NLGN1: variants seen among roughly 807,000 people sequenced by gnomAD.
NLGN1 encodes neuroligin 1.
Under a neutral mutation model 65.5 loss-of-function variants are expected in NLGN1, and 12 were observed. The ratio of observed to expected loss-of-function variants is 0.18; its 90% CI spans 0.12 to 0.30. The LOEUF is 0.30. Ranked by LOEUF, NLGN1 falls within the 10% of genes least tolerant of loss-of-function variation. NLGN1 has a pLI of 1.00. For synonymous variants in NLGN1, 350 were observed against 359.5 expected (o/e 0.97, Z 0.30); for missense variants, 750 against 1,007.1 (o/e 0.74, Z 3.46).
intron 3 of NLGN1, among the ~76,000 whole-genome samples, chr3:173,773,857 T>A (rs1779930188): frequency 6.6e-6 from 1 of 152,090 alleles, no homozygotes. Context: ...GGTATGAAAT[T>A]AGATGTTGGA....
intron 4 of NLGN1, among the ~76,000 whole-genome samples, chr3:174,000,539 G>A (rs534409621): frequency 2.3e-4 from 35 of 152,244 alleles, no homozygotes; most frequent in Non-Finnish European, 3.8e-4. Context: ...TTTTAAAAAG[G>A]TAACAGAGAG....
In NLGN1 at chr3:173,747,801, C is replaced by CTTTTTTTTTTTTTTTTTTT. The variant is rs749749824; in HGVS notation, c.494-59867_494-59849dup. Among the ~76,000 whole-genome samples, 73 of 64,428 alleles carry CTTTTTTTTTTTTTTTTTTT rather than the reference C, an allele frequency of 1.1e-3. 13 individuals are homozygous for CTTTTTTTTTTTTTTTTTTT. The highest frequency in any genetic ancestry group is 3.3e-3 in the African/African-American group (53 of 16,100). 42.3% of individuals were successfully genotyped at this position (64,428 alleles called of 152,430 possible). Reference sequence around the variant, plus strand: ...AATTTTCTTTCTTCTTCTTCTTGTTCTTTTTTTTTTTTTTTTTTTTTTTTT... The same window carrying CTTTTTTTTTTTTTTTTTTT: ...AATTTTCTTTCTTCTTCTTCTTGTTCTTTTTTTTTTTTTTTTTTTTTTTTTTTTTTTTTTTTTTTTTTTT... On this transcript the variant is annotated intron_variant, in intron 3 of 6. Transcript: ENST00000457714.
At chr3:173,983,251 A>C (rs1287034698) in intron 4 of NLGN1, among the ~76,000 whole-genome samples, 1 of 152,134 alleles carries the variant, frequency 6.6e-6, no homozygotes, top group Admixed American at 6.5e-5. Context: ...CCAAATGTCA[A>C]ATGCCATAAG....
In NLGN1 at chr3:173,449,875, G is replaced by C. The variant is rs555926007; in HGVS notation, c.-321+14797G>C. On this transcript the variant is annotated intron_variant, in intron 2 of 6. Transcript: ENST00000457714. ...TTAAAGTCTGTTTTATCAGAGACTA[G>C]GATTGCAACCCCTGCCTTTTTTTGT... Among the ~76,000 whole-genome samples, 4 of 152,232 alleles carry C rather than the reference G, an allele frequency of 2.6e-5. No homozygotes were observed. In the East Asian group the frequency reaches 5.8e-4, roughly 22 times the overall value.
At chr3:173,633,069 G>T (rs1465184885) in intron 3 of NLGN1, among the ~76,000 whole-genome samples, 1 of 151,704 alleles carries the variant, frequency 6.6e-6, no homozygotes, top group Non-Finnish European at 1.5e-5. Flanking sequence ...TGATAAATGG[G>T]GGCCTAGATC....
chr3:173,991,268 A>T (rs749632338), intron 4 of NLGN1, among the ~76,000 whole-genome samples: 1 of 152,158 alleles, frequency 6.6e-6, no homozygotes. Context: ...TTAATAATTG[A>T]TATAATTTAA....
intron 4 of NLGN1, among the ~76,000 whole-genome samples, chr3:174,152,072 T>G (rs1306082133): frequency 6.6e-6 from 1 of 152,100 alleles, no homozygotes; most frequent in Non-Finnish European, 1.5e-5. Flanking sequence ...TTCAAAAGTT[T>G]TCATCCAGAA....
At chr3:173,934,044 A>G (rs1006348121) in intron 4 of NLGN1, among the ~76,000 whole-genome samples, 3 of 151,814 alleles carry the variant, frequency 2.0e-5, no homozygotes, top group Admixed American at 2.0e-4. Flanking sequence ...GAGAGGTGCA[A>G]AAGACACTGT....
chr3:173,822,255 A>G (rs985310453), intron 4 of NLGN1, among the ~76,000 whole-genome samples: 1 of 152,154 alleles, frequency 6.6e-6, no homozygotes, highest in African/African-American at 2.4e-5. Flanking sequence ...AGTTGTAACC[A>G]TCTACTCCAT....
chr3:174,052,760 T>C (rs1277357271), intron 4 of NLGN1, among the ~76,000 whole-genome samples: 1 of 152,032 alleles, frequency 6.6e-6, no homozygotes, highest in Non-Finnish European at 1.5e-5. Context: ...CTGACACTAA[T>C]GGCAGGGATC....
chr3:173,435,874 T>C (rs542971405), intron 2 of NLGN1, among the ~76,000 whole-genome samples: 1 of 152,224 alleles, frequency 6.6e-6, no homozygotes, highest in African/African-American at 2.4e-5. Flanking sequence ...TAAAAGTCTA[T>C]ACGATGCATT....
chr3:173,894,961 A>G (rs1736077217), intron 4 of NLGN1, among the ~76,000 whole-genome samples: 1 of 152,252 alleles, frequency 6.6e-6, no homozygotes, highest in Middle Eastern at 3.4e-3. Context: ...CTTATAGTTA[A>G]ATAGGTAAAA....
chr3:174,266,032 G>A (rs1012991588), intron 4 of NLGN1, among the ~76,000 whole-genome samples: 30 of 129,754 alleles, frequency 2.3e-4, no homozygotes, highest in Non-Finnish European at 1.8e-4. Flanking sequence ...GTGTGTGTGT[G>A]TATATATATA....
rs1289738868 is a variant in NLGN1, at chr3:173,918,686, GTGTGTGTGTGTGTGTGTATA to G, written c.646+110856_646+110875del. Among the ~76,000 whole-genome samples, 59 of 134,818 alleles carry G rather than the reference GTGTGTGTGTGTGTGTGTATA, an allele frequency of 4.4e-4. 1 individual carries two copies. Among genetic ancestry groups the G allele is most frequent in the African/African-American group, 1.6e-3 (56 of 34,524 alleles). 88.4% of individuals were successfully genotyped at this position (134,818 alleles called of 152,430 possible). ...TGTGTGTGTGTGTGTGTGTGTGTGT[GTGTGTGTGTGTGTGTGTATA>G]TATATATATTGCATAGAATGGTAAC... On this transcript the variant is annotated intron_variant, in intron 4 of 6. Coordinates refer to ENST00000457714, the Ensembl canonical transcript of NLGN1.
intron 3 of NLGN1, among the ~76,000 whole-genome samples, chr3:173,778,571 A>C (rs1290681736): frequency 6.6e-6 from 1 of 151,880 alleles, no homozygotes; most frequent in Non-Finnish European, 1.5e-5. Context: ...ATTATATACT[A>C]ATATCTGCTT....
rs566327951 is a variant in NLGN1 at position 173,626,320 on chromosome 3, A to G, written c.493+21229A>G. On this transcript the variant is annotated intron_variant, in intron 3 of 6. Coordinates refer to ENST00000457714, the Ensembl canonical transcript of NLGN1. ...GAAAAATCATCTTGGATTTTCAAAT[A>G]TGAGTAAAATCTTATTCTTTACATT... 2.0e-5 allele frequency among the ~76,000 whole-genome samples: 3 copies of G among 152,210 alleles called. No individual in the cohort carries two copies. The East Asian group carries it at 5.8e-4, about 29-fold the overall frequency.
chr3:174,118,459 T>C (rs1561085053), intron 4 of NLGN1, among the ~76,000 whole-genome samples: 1 of 152,172 alleles, frequency 6.6e-6, no homozygotes, highest in Non-Finnish European at 1.5e-5. Context: ...GAAGAAGATA[T>C]GGTTTTGTGA....
intron 3 of NLGN1, among the ~76,000 whole-genome samples, chr3:173,685,160 G>A (rs1031765954): frequency 5.3e-5 from 8 of 152,094 alleles, no homozygotes; most frequent in African/African-American, 1.9e-4. Flanking sequence ...ATAATTACAG[G>A]ATGCCGAGTA....
intron 4 of NLGN1, among the ~76,000 whole-genome samples, chr3:174,104,673 C>CA (rs534223890): frequency 8.2e-4 from 125 of 152,042 alleles, no homozygotes; most frequent in Non-Finnish European, 1.7e-3. Flanking sequence ...TAACTCGAGA[C>CA]AAAAAAGAGC....
Sources: gnomAD v4.1 joint callset for allele counts (sites outside exome capture counted in the v4.1 genomes callset) on GRCh38, gnomAD v4.1.1 for gene constraint, MANE v1.5 for transcripts, NCBI Gene and HGNC (gene_info 2026-07-23, HGNC 2026-07-21) for gene names.